SAMD13: variants seen among roughly 807,000 people sequenced by gnomAD.
The protein encoded by SAMD13 is sterile alpha motif domain-containing protein 13.
In SAMD13, 9 loss-of-function variants were observed where a neutral mutation model predicts 12.4. The observed-to-expected ratio is 0.72, with a 90% confidence interval of 0.44 to 1.26. The LOEUF is 1.26. Ranked by LOEUF, SAMD13 falls within the 50% of genes most tolerant of loss-of-function variation. The pLI, the probability that SAMD13 is intolerant of heterozygous loss-of-function variation, is 0.00. For synonymous variants in SAMD13, 46 were observed against 45.4 expected (o/e 1.01, Z -0.05); for missense variants, 84 against 119.6 (o/e 0.70, Z 1.39).
At chr1:84,321,912 C>T (rs993333789) in intron 2 of SAMD13, among the ~76,000 whole-genome samples, 1 of 152,294 alleles carries the variant, frequency 6.6e-6, no homozygotes, top group Non-Finnish European at 1.5e-5. Flanking sequence ...AATCATCCAT[C>T]GTGCATTAAC....
chr1:84,319,370 A>T (rs1298818558), intron 2 of SAMD13, among the ~76,000 whole-genome samples: 1 of 152,156 alleles, frequency 6.6e-6, no homozygotes, highest in East Asian at 1.9e-4. Flanking sequence ...TCACACCTGT[A>T]ATCCCAGCAC....
intron 2 of SAMD13, 42 bp downstream of exon 2, chr1:84,303,329 A>G: frequency 6.8e-7 from 1 of 1,478,046 alleles, no homozygotes; most frequent in Non-Finnish European, 9.4e-7. Flanking sequence ...TGCAAACAAC[A>G]GAGGGACTTA....
At chr1:84,300,369 T>C (rs74728292), upstream of SAMD13, among the ~76,000 whole-genome samples, 3,370 of 152,330 alleles carry the variant, frequency 0.022, 127 homozygotes, top group African/African-American at 0.076. Flanking sequence ...CAAAAATTTC[T>C]AATATAATTC....
At chr1:84,327,893 G>A (rs1679092030) in intron 3 of SAMD13, among the ~76,000 whole-genome samples, 1 of 152,160 alleles carries the variant, frequency 6.6e-6, no homozygotes, top group Non-Finnish European at 1.5e-5. Flanking sequence ...AAACTGCTCA[G>A]GTTGGAAAGT....
intron 2 of SAMD13, among the ~76,000 whole-genome samples, chr1:84,321,376 T>G (rs565501165): frequency 1.5e-4 from 22 of 151,614 alleles, no homozygotes; most frequent in Non-Finnish European, 2.8e-4. Context: ...ATATATATAT[T>G]AAAGATTCTG....
intron 2 of SAMD13, among the ~76,000 whole-genome samples, chr1:84,324,742 C>T (rs533452260): frequency 1.7e-4 from 26 of 152,246 alleles, no homozygotes; most frequent in South Asian, 6.2e-4. Context: ...ATACTCCCAA[C>T]GCAGAAATGA....
At chr1:84,333,087 T>C (rs999152801) in intron 3 of SAMD13, among the ~76,000 whole-genome samples, 3 of 151,332 alleles carry the variant, frequency 2.0e-5, no homozygotes, top group African/African-American at 4.8e-5. Context: ...CATTGGTCTA[T>C]GTGTACCATG....
chr1:84,305,282 G>C (rs960715052), intron 2 of SAMD13, among the ~76,000 whole-genome samples: 2 of 151,940 alleles, frequency 1.3e-5, no homozygotes, highest in Admixed American at 1.3e-4. Flanking sequence ...CTTTTCCTGT[G>C]CTTATTTGCC....
At chr1:84,328,285 AT>A (rs1679101847) in intron 3 of SAMD13, among the ~76,000 whole-genome samples, 1 of 152,218 alleles carries the variant, frequency 6.6e-6, no homozygotes, top group Non-Finnish European at 1.5e-5. Context: ...CATAATGGGA[AT>A]AAACTCTTCT....
intron 2 of SAMD13, among the ~76,000 whole-genome samples, chr1:84,313,594 ATG>A (rs1678763200): frequency 2.0e-5 from 3 of 152,004 alleles, no homozygotes; most frequent in Admixed American, 6.6e-5. Flanking sequence ...TGACAGATGC[ATG>A]TAGTAAGTTC....
Position 84,306,523 on chromosome 1 carries a change from G to A in SAMD13, c.53+3236G>A, listed in dbSNP as rs72942044. On this transcript the variant is annotated intron_variant, in intron 2 of 3. Coordinates refer to ENST00000394834, the MANE Select transcript of SAMD13 (RefSeq NM_001134663.2). ...AAAGTTGAAAAAAGTGGTGAGCTGG[G>A]TATGGTGGCTAACACCTGTAATCCC... 2.8e-3 allele frequency among the ~76,000 whole-genome samples: 420 copies of A among 151,694 alleles called. 1 individual carries two copies. Among genetic ancestry groups the A allele is most frequent in the African/African-American group, 9.6e-3 (395 of 41,360 alleles).
chr1:84,317,076 GTTTA>G (rs1469403489), intron 2 of SAMD13, among the ~76,000 whole-genome samples: 1 of 151,944 alleles, frequency 6.6e-6, no homozygotes, highest in Non-Finnish European at 1.5e-5. Flanking sequence ...TGCTGAATTT[GTTTA>G]TTCATTCTCA....
At chr1:84,346,734 C>T (rs1030444969) in intron 3 of SAMD13, among the ~76,000 whole-genome samples, 19 of 152,140 alleles carry the variant, frequency 1.2e-4, no homozygotes, top group African/African-American at 4.3e-4. Flanking sequence ...ATCCCATGGA[C>T]GTTATGTATC....
upstream of SAMD13, chr1:84,299,579 A>C: frequency 6.6e-7 from 1 of 1,504,074 alleles, no homozygotes; most frequent in Non-Finnish European, 8.9e-7. Context: ...ACTTTATGCT[A>C]CATACTACAC....
chr1:84,313,074 T>G (rs1678750092), intron 2 of SAMD13, among the ~76,000 whole-genome samples: 2 of 152,108 alleles, frequency 1.3e-5, no homozygotes, highest in African/African-American at 4.8e-5. Flanking sequence ...CCTAAATAAC[T>G]AAGATGGAGC....
In SAMD13 at chr1:84,349,649, C is replaced by T. The variant is rs1189024428; in HGVS notation, c.184C>T (p.Leu62=). ...FQEQEIDGKS[L]LLMTRNDVLT... is the part of the protein sequence containing the mutation. ...ATTATAGGAAATTGATGGAAAATCC[C>T]TGCTATTGATGACAAGAAATGATGT... Residue 62 remains leucine (L), a synonymous_variant, in exon 4 of 4, where the codon CTG becomes TTG. Coordinates refer to ENST00000394834, the MANE Select transcript of SAMD13 (RefSeq NM_001134663.2). The T allele has an allele frequency of 1.9e-6, 3 of 1,613,354 alleles. No homozygotes were observed. The highest frequency in any genetic ancestry group is 1.7e-6 in the Non-Finnish European group (2 of 1,179,604).
intron 2 of SAMD13, chr1:84,304,337 G>A (rs1354219762): frequency 6.6e-6 from 1 of 152,122 alleles, no homozygotes; most frequent in Non-Finnish European, 1.5e-5. Flanking sequence ...AGTTAGATCA[G>A]TGTTATCCAA....
intron 2 of SAMD13, among the ~76,000 whole-genome samples, chr1:84,306,544 A>G (rs1019711751): frequency 8.6e-5 from 13 of 151,048 alleles, no homozygotes; most frequent in African/African-American, 3.2e-4. Context: ...AACACCTGTA[A>G]TCCCAGTACT....
At chr1:84,338,406 G>A (rs1679349134) in intron 3 of SAMD13, among the ~76,000 whole-genome samples, 1 of 149,894 alleles carries the variant, frequency 6.7e-6, no homozygotes. Flanking sequence ...AAAAGAGAGA[G>A]AGCTGGTACA....
Sources: allele counts gnomAD v4.1 joint callset (sites outside exome capture counted in the v4.1 genomes callset), GRCh38; gene constraint gnomAD v4.1.1; transcripts MANE v1.5; gene names NCBI Gene and HGNC (gene_info 2026-07-23, HGNC 2026-07-21).